The following TRPM5 variants were observed in gnomAD, a reference collection of about 807,000 sequenced individuals.
TRPM5 encodes the protein transient receptor potential cation channel subfamily M member 5.
A neutral mutation model predicts 124.9 loss-of-function variants in TRPM5; 121 were observed. The ratio of observed to expected loss-of-function variants is 0.97; its 90% CI spans 0.84 to 1.13. The LOEUF is 1.13. Among genes scored for constraint, TRPM5 ranks in the 50% most tolerant of loss-of-function variants. TRPM5 has a pLI of 0.00. For synonymous variants in TRPM5, 781 were observed against 700.5 expected (o/e 1.11, Z -1.81); for missense variants, 1,643 against 1,589.1 (o/e 1.03, Z -0.58).
rs367815284 is a variant in TRPM5, at chr11:2,406,013, G to T, written c.3324+6C>A. ...ATCAGGGAGAGGAGCTCTGGGGCTC[G>T]CTTGCCTGTGACTCCAGACACTTGA... On this transcript the variant is annotated splice_donor_region_variant and intron_variant, in intron 22 of 23. Coordinates refer to ENST00000155858, the Ensembl canonical transcript of TRPM5. 2 of 1,610,158 alleles carry T rather than the reference G, an allele frequency of 1.2e-6. No individual in the cohort carries two copies. Among genetic ancestry groups the T allele is most frequent in the Non-Finnish European group, 8.5e-7 (1 of 1,179,562 alleles).
chr11:2,417,706 G>GAC, intron 7 of TRPM5, 21 bp downstream of exon 12: 5 of 1,087,302 alleles, frequency 4.6e-6, no homozygotes, highest in South Asian at 2.6e-5. Flanking sequence ...CGCCTGCCTT[G>GAC]CCCACCCTGC....
chr11:2,419,236 A>G (rs873998), intron 4 of TRPM5, among the ~76,000 whole-genome samples: 68,811 of 151,792 alleles, frequency 0.45, 16,191 homozygotes, highest in East Asian at 0.67. Context: ...CCGGGCCAGC[A>G]GGGCTTCCGC....
Position 2,416,035 on chromosome 11 carries a change from AGCAG to A in TRPM5, c.1010-15_1010-12del. 1 of 1,590,788 alleles carries A rather than the reference AGCAG, an allele frequency of 6.3e-7. No individual in the cohort carries two copies. The highest frequency in any genetic ancestry group is 8.6e-7 in the Non-Finnish European group (1 of 1,167,276). On this transcript the variant is annotated splice_polypyrimidine_tract_variant and intron_variant, in intron 7 of 23. Transcript: ENST00000155858. ...TGTGGCTCTTGCAGGCTGTGGGCAG[AGCAG>A]GCAGGCACTGGTGAGGGTGGAGCTG...
At chr11:2,421,176 G>T (rs1217252350) in exon 3 of TRPM5, 13 of 1,541,292 alleles carry the variant, frequency 8.4e-6, no homozygotes, top group Non-Finnish European at 1.0e-5. Flanking sequence ...CCACGCGGAG[G>T]GCACTGGTCA....
the TRPM5 span, among the ~76,000 whole-genome samples, chr11:2,440,573 G>A: frequency 6.6e-6 from 1 of 152,090 alleles, no homozygotes; most frequent in African/African-American, 2.4e-5. The surrounding 1 kb of genome is among the most constrained non-coding windows in gnomAD (Gnocchi z 5.2). Context: ...GCCTGCTCCA[G>A]GGTCTCTGTG....
Position 2,405,550 on chromosome 11 carries a change from A to T in TRPM5, c.3368T>A (p.Leu1123Gln), listed in dbSNP as rs1328849282. Residue 1123 changes from leucine to glutamine, a missense_variant, in exon 23 of 24, where the codon CTG (leucine) becomes CAG (glutamine). Leu to Gln is a moderately radical substitution (Grantham distance 113, BLOSUM62 -2). Transcript: ENST00000155858. ...ACTCCGGGGGCCGCCACCCTGGGCC[A>T]GCACGTCAGCCACGGAGGACACGAG... 9.6e-6 allele frequency: 15 copies of T among 1,565,100 alleles called. 1 individual carries two copies. The highest frequency in any genetic ancestry group is 1.7e-4 in the Middle Eastern group (1 of 6,024).
chr11:2,425,795 T>A (rs778062063), upstream of TRPM5, among the ~76,000 whole-genome samples: 13 of 152,022 alleles, frequency 8.6e-5, no homozygotes, highest in Non-Finnish European at 1.6e-4. Context: ...GGGCTTGGGG[T>A]TTGGCCATGA....
At chr11:2,418,274 C>G in exon 6 of TRPM5, 1 of 1,581,548 alleles carries the variant, frequency 6.3e-7, no homozygotes, top group South Asian at 1.2e-5. Flanking sequence ...GGCTGGTTCA[C>G]TAGGGCAGCA....
chr11:2,420,078 T>G (rs1034040832), intron 4 of TRPM5, 144 bp downstream of exon 9: 1 of 324,144 alleles, frequency 3.1e-6, no homozygotes, highest in Non-Finnish European at 4.2e-6. Flanking sequence ...ACGGCCCAGG[T>G]CTCGGTGCTC....
At chr11:2,412,456 G>A (rs1262477026) in intron 15 of TRPM5, among the ~76,000 whole-genome samples, 1 of 151,932 alleles carries the variant, frequency 6.6e-6, no homozygotes, top group Non-Finnish European at 1.5e-5. Flanking sequence ...TTGGGGCCAG[G>A]GCCTCTTTGT....
chr11:2,413,396 G>A, intron 13 of TRPM5, 80 bp downstream of exon 18: 1 of 1,401,496 alleles, frequency 7.1e-7, no homozygotes, highest in Non-Finnish European at 9.7e-7. Context: ...ACCAGCACCT[G>A]CGAGGCCCAG....
chr11:2,406,693 G>A (rs748044762), exon 21 of TRPM5: 78 of 1,612,982 alleles, frequency 4.8e-5, no homozygotes, highest in East Asian at 8.9e-5. Flanking sequence ...CCTCCCCCTC[G>A]CTGTCCCTCC....
At chr11:2,429,139 GGTGGTGATGGTGATGATT>G in the TRPM5 span, among the ~76,000 whole-genome samples, 1 of 151,620 alleles carries the variant, frequency 6.6e-6, no homozygotes, top group South Asian at 2.1e-4. This position sits in a 1 kb window ranked among gnomAD's most constrained non-coding sequence, Gnocchi z 8.4. Context: ...TGGTGGCAGT[GGTGGTGATGGTGATGATT>G]GTGGTGATGG....
chr11:2,405,709 C>G (rs1850305030), intron 22 of TRPM5, 116 bp from the exon 28 acceptor site: 1 of 1,155,542 alleles, frequency 8.7e-7, no homozygotes, highest in African/African-American at 1.5e-5. Flanking sequence ...TGACTCCTCC[C>G]TCTGAGAGCT....
chr11:2,425,026 C>T (rs959002922), upstream of TRPM5, among the ~76,000 whole-genome samples: 6 of 152,220 alleles, frequency 3.9e-5, no homozygotes, highest in East Asian at 1.9e-4. Context: ...AACCAGCCCG[C>T]GGACCGCAGA....
upstream of TRPM5, among the ~76,000 whole-genome samples, chr11:2,427,824 G>A (rs1845850491): frequency 6.6e-6 from 1 of 152,222 alleles, no homozygotes; most frequent in African/African-American, 2.4e-5. Flanking sequence ...TGCCTCAAGA[G>A]CACACGTCTC....
exon 7 of TRPM5, chr11:2,417,805 G>T: frequency 6.3e-7 from 1 of 1,586,696 alleles, no homozygotes; most frequent in Admixed American, 1.8e-5. Flanking sequence ...GTGAGCAGGT[G>T]CTGGTGTGAG....
At position 2,413,157 on chromosome 11, in the gene TRPM5, G is replaced by T. The variant is rs1460743350; in HGVS notation, c.2073C>A (p.Ser691Arg). The stretch of plus-strand genomic sequence containing the variant: ...ACCGGCTCTGCAGGCCATACAGCGG[G>T]CTCTTCTCCGTGTCCAGGCTGTCCA... Residue 691 changes from serine (S) to arginine (R), a missense_variant, in exon 14 of 24, where the codon AGC becomes AGA. Physicochemically the swap from Ser to Arg is moderately radical, Grantham distance 110. Transcript: ENST00000155858. 2.6e-6 allele frequency: 4 copies of T among 1,553,324 alleles called. No homozygotes were observed. In the South Asian group the frequency reaches 4.7e-5, roughly 18 times the overall value.
intron 21 of TRPM5, 98 bp from the exon 27 acceptor site, chr11:2,406,189 T>G: frequency 7.3e-7 from 1 of 1,373,808 alleles, no homozygotes; most frequent in Non-Finnish European, 1.0e-6. Flanking sequence ...GTGCCCGAGT[T>G]TGGGGTGCCC....
Sources: allele counts gnomAD v4.1 joint callset (sites outside exome capture counted in the v4.1 genomes callset), GRCh38; gene constraint gnomAD v4.1.1; non-coding constraint Gnocchi (gnomAD v3.1); transcripts MANE v1.5; gene names NCBI Gene and HGNC (gene_info 2026-07-23, HGNC 2026-07-21).